Variants in ACSBG1 observed in about 807,000 individuals in gnomAD.
ACSBG1 encodes acyl-CoA synthetase bubblegum family member 1.
Under a neutral mutation model 80.2 loss-of-function variants are expected in ACSBG1, and 39 were observed. The ratio of observed to expected loss-of-function variants is 0.49; its 90% CI spans 0.38 to 0.64. The LOEUF (loss-of-function observed/expected upper bound fraction) is 0.64, where lower values mean the gene tolerates loss of function less well. Among genes scored for constraint, ACSBG1 ranks in the 30% least tolerant of loss-of-function variants. The pLI is 0.00. For synonymous variants in ACSBG1, 392 were observed against 379.5 expected (o/e 1.03, Z -0.38); for missense variants, 828 against 966.4 (o/e 0.86, Z 1.90).
At chr15:78,216,651 G>A (rs1017373177) in intron 1 of ACSBG1, among the ~76,000 whole-genome samples, 17 of 152,184 alleles carry the variant, frequency 1.1e-4, no homozygotes, top group African/African-American at 3.9e-4. Context: ...TGGAGCCCTT[G>A]ACTGACTGAA....
intron 2 of ACSBG1, among the ~76,000 whole-genome samples, chr15:78,206,427 C>T (rs936809619): frequency 2.6e-5 from 4 of 152,210 alleles, no homozygotes; most frequent in Admixed American, 6.5e-5. Flanking sequence ...ACTGGGGGTT[C>T]TTTGAGGGCA....
chr15:78,182,944 T>C, intron 5 of ACSBG1, 159 bp from the exon 6 acceptor site: 2 of 729,652 alleles, frequency 2.7e-6, no homozygotes, highest in Non-Finnish European at 4.6e-6. Flanking sequence ...TCACCCATAG[T>C]TTCCCTCCTG....
chr15:78,183,196 A>G (rs2074966675), intron 5 of ACSBG1, among the ~76,000 whole-genome samples: 1 of 152,222 alleles, frequency 6.6e-6, no homozygotes. Context: ...GAAAAAAGGA[A>G]GTTTACAATA....
intron 1 of ACSBG1, among the ~76,000 whole-genome samples, chr15:78,212,281 C>A (rs1243279968): frequency 6.6e-6 from 1 of 152,116 alleles, no homozygotes; most frequent in African/African-American, 2.4e-5. Flanking sequence ...CGGTTTTCTG[C>A]CCGTATCCTG....
At chr15:78,215,153 G>A (rs1457918420) in intron 1 of ACSBG1, among the ~76,000 whole-genome samples, 4 of 152,086 alleles carry the variant, frequency 2.6e-5, no homozygotes, top group Non-Finnish European at 4.4e-5. Context: ...ATCCCAGAAA[G>A]GAATTCAGAC....
intron 4 of ACSBG1, 135 bp from the exon 5 acceptor site, chr15:78,193,761 C>T: frequency 2.8e-6 from 4 of 1,440,950 alleles, no homozygotes; most frequent in Non-Finnish European, 2.8e-6. Context: ...GGCACCTGAG[C>T]ACCTCCTCCC....
chr15:78,211,172 C>G (rs2075263629), intron 1 of ACSBG1, among the ~76,000 whole-genome samples: 1 of 152,232 alleles, frequency 6.6e-6, no homozygotes, highest in Non-Finnish European at 1.5e-5. Flanking sequence ...TCCTCAAAAG[C>G]ATTTTGGGCC....
Position 78,170,526 on chromosome 15 carries a change from A to C in ACSBG1, c.*918T>G, listed in dbSNP as rs1201763753. 6.6e-6 allele frequency: 1 copy of C among 152,166 alleles called. No individual in the cohort carries two copies. Among genetic ancestry groups the C allele is most frequent in the Non-Finnish European group, 1.5e-5 (1 of 68,036 alleles). 9.4% of individuals were successfully genotyped at this position (152,166 alleles called of 1,614,324 possible). On this transcript the variant is annotated 3_prime_UTR_variant, in exon 14 of 14. Coordinates refer to ENST00000258873, the MANE Select transcript of ACSBG1 (RefSeq NM_015162.5). ...AGTGGCTCTTGGGTTCAAAGTAATA[A>C]AGAATTCCAAAACTGAGATGTTTGC...
intron 11 of ACSBG1, 39 bp from the exon 12 acceptor site, chr15:78,174,563 T>G: frequency 6.3e-7 from 1 of 1,594,618 alleles, no homozygotes; most frequent in Non-Finnish European, 8.6e-7. Context: ...CAGAATGTAG[T>G]CCAGGTGCCC....
intron 5 of ACSBG1, among the ~76,000 whole-genome samples, chr15:78,185,743 A>T (rs2074996951): frequency 6.6e-6 from 1 of 152,174 alleles, no homozygotes; most frequent in African/African-American, 2.4e-5. Context: ...AAAGGAAAAA[A>T]ATCTTAAAAG....
chr15:78,172,533 C>CTCT lies in ACSBG1; in HGVS notation c.2090-1007_2090-1005dup, dbSNP rs2074836146. 6.6e-6 allele frequency among the ~76,000 whole-genome samples: 1 copy of CTCT among 152,196 alleles called. No individual in the cohort carries two copies. The highest frequency in any genetic ancestry group is 2.1e-4 in the South Asian group (1 of 4,828). ...TGGGTAGCTTAAAGTGCCTAACTCA[C>CTCT]TCTTGACTGTGTAACTGGAAACTTT... On this transcript the variant is annotated intron_variant, in intron 13 of 13. Transcript: ENST00000258873. This position sits in a 1 kb window ranked among gnomAD's most constrained non-coding sequence, Gnocchi z 4.1.
At chr15:78,179,020 G>T in intron 10 of ACSBG1, 189 bp from the exon 11 acceptor site, 1 of 597,756 alleles carries the variant, frequency 1.7e-6, no homozygotes, top group Non-Finnish European at 2.9e-6. Context: ...AGGGAATGAA[G>T]GAAGGAAGGA....
rs1392678413 is a variant in ACSBG1 at position 78,177,042 on chromosome 15, A to G, written c.1702+1572T>C. Among the ~76,000 whole-genome samples the G allele has an allele frequency of 1.3e-5, 2 of 152,242 alleles. No individual in the cohort carries two copies. Among genetic ancestry groups the G allele is most frequent in the African/African-American group, 4.8e-5 (2 of 41,466 alleles). On this transcript the variant is annotated intron_variant, in intron 11 of 13. Transcript: ENST00000258873. The surrounding 1 kb of genome is among the most constrained non-coding windows in gnomAD (Gnocchi z 4.1). ...TCATATTTGTGAATTGGAAGAGACA[A>G]TACTATAAACATGTATTTTTCTCAC...
chr15:78,181,185 G>T, intron 8 of ACSBG1: 1 of 496,758 alleles, frequency 2.0e-6, no homozygotes. Context: ...CCTGAGCATG[G>T]CAACTCTCCA....
rs1031963188 is a variant in ACSBG1, at chr15:78,178,287, TTTTG to T, written c.1702+323_1702+326del. On this transcript the variant is annotated intron_variant, in intron 11 of 13. Transcript: ENST00000258873. The surrounding 1 kb of genome is among the most constrained non-coding windows in gnomAD (Gnocchi z 4.3). ...GCAGCTGTCCAGGGCGCTTGCCTTTTTTTGTTTGTTTGTTTTGGTTTTGTTTTTG... is the reference window on the plus strand; with the variant it reads ...GCAGCTGTCCAGGGCGCTTGCCTTTTTTTGTTTGTTTTGGTTTTGTTTTTG... Among the ~76,000 whole-genome samples the T allele has an allele frequency of 2.6e-5, 4 of 152,090 alleles. No individual in the cohort carries two copies. Among genetic ancestry groups the T allele is most frequent in the South Asian group, 2.1e-4 (1 of 4,814 alleles).
rs2074957457 is a variant in ACSBG1, at chr15:78,182,510, CG to C, written c.849del (p.Gly284AlafsTer9). 1 of 1,614,154 alleles carries C rather than the reference CG, an allele frequency of 6.2e-7. No homozygotes were observed. The highest frequency in any genetic ancestry group is 8.5e-7 in the Non-Finnish European group (1 of 1,180,034). On this transcript the variant is annotated frameshift_variant, in exon 7 of 14. Transcript: ENST00000258873. LOFTEE classifies it high-confidence loss of function. ...PNQCCVLVYT[S>X]GTTGNPKGVM... is the part of the protein sequence containing the mutation. ...ACGCCCTTGGGGTTCCCAGTGGTGC[CG>C]GAAGTGTAGACTAGCACACAGCACT...
At chr15:78,231,717 T>A (rs1278891432) in intron 1 of ACSBG1, among the ~76,000 whole-genome samples, 2 of 152,016 alleles carry the variant, frequency 1.3e-5, no homozygotes, top group Non-Finnish European at 2.9e-5. Flanking sequence ...GCCTCCTGAG[T>A]AGGTGGGACT....
chr15:78,180,633 G>T, intron 9 of ACSBG1, 122 bp downstream of exon 9: 1 of 1,292,118 alleles, frequency 7.7e-7, no homozygotes, highest in Non-Finnish European at 1.1e-6. Flanking sequence ...TCTGCACGGG[G>T]TCTCCAGAGC....
In ACSBG1 at chr15:78,215,759, A is replaced by AAAGG. The variant is rs1491213074; in HGVS notation, c.132-7658_132-7657insCCTT. Among the ~76,000 whole-genome samples the AAAGG allele has an allele frequency of 7.8e-3, 1,167 of 150,330 alleles. 16 individuals are homozygous for AAAGG. Among genetic ancestry groups the AAAGG allele is most frequent in the Non-Finnish European group, 0.01 (708 of 67,496 alleles). On this transcript the variant is annotated intron_variant, in intron 1 of 13. Coordinates refer to ENST00000258873, the MANE Select transcript of ACSBG1 (RefSeq NM_015162.5). ...GAAAGAAAGAAAGAAAGAAAGAAAG[A>AAAGG]AAGAAAGAAAGAAAGAAAGAAAGAA... is the stretch of plus-strand genomic sequence containing the variant.
Sources: gnomAD v4.1 joint callset for allele counts (sites outside exome capture counted in the v4.1 genomes callset) on GRCh38, gnomAD v4.1.1 for gene constraint, Gnocchi (gnomAD v3.1) non-coding constraint, MANE v1.5 for transcripts, NCBI Gene and HGNC (gene_info 2026-07-23, HGNC 2026-07-21) for gene names.